SLCO2A1: variants seen among roughly 807,000 people sequenced by gnomAD.
SLCO2A1 encodes solute carrier organic anion transporter family member 2A1, also known as matrin F/G 1.
SLCO2A1 carries 60 observed loss-of-function variants against 71.7 expected under a neutral mutation model. The observed-to-expected ratio is 0.84, with a 90% CI of 0.68 to 1.04. SLCO2A1 has a LOEUF of 1.04. SLCO2A1 is among the 50% of genes least tolerant of loss of function. SLCO2A1 has a pLI of 0.00. For missense variants in SLCO2A1, 745 were observed against 813.4 expected, an observed-to-expected ratio of 0.92 and a Z score of 1.02; for synonymous variants, 308 against 326.7, an observed-to-expected ratio of 0.94 and a Z score of 0.62.
chr3:133,971,873 C>T (rs1262126203), intron 3 of SLCO2A1, among the ~76,000 whole-genome samples: 1 of 152,154 alleles, frequency 6.6e-6, no homozygotes, highest in Non-Finnish European at 1.5e-5. Context: ...CAATGACGGT[C>T]CTGGGTGCTG....
chr3:134,029,718 C>G lies in SLCO2A1; in HGVS notation c.85G>C (p.Gly29Arg), dbSNP rs766149748. 1.4e-5 allele frequency: 22 copies of G among 1,588,912 alleles called. No homozygotes were observed. Among genetic ancestry groups the G allele is most frequent in the African/African-American group, 2.7e-5 (2 of 73,140 alleles). The change falls in exon 1 of 14, where the codon GGC becomes CGC. Residue 29 changes from glycine to arginine, a missense_variant. Coordinates refer to ENST00000310926, the MANE Select transcript of SLCO2A1 (RefSeq NM_005630.3). Reference protein sequence around the residue: ...RAGRCARSVFGNIKVFVLCQG... With the variant: ...RAGRCARSVFRNIKVFVLCQG... ...CGGACTCCGCTCACCTTAATGTTGCCGAAGACCGAGCGGGCACAGCGGCCG... is the reference window on the plus strand; with the variant it reads ...CGGACTCCGCTCACCTTAATGTTGCGGAAGACCGAGCGGGCACAGCGGCCG...
At chr3:133,943,455 C>A (rs572828492) in intron 10 of SLCO2A1, among the ~76,000 whole-genome samples, 1 of 152,330 alleles carries the variant, frequency 6.6e-6, no homozygotes, top group South Asian at 2.1e-4. Flanking sequence ...AATATTGGAA[C>A]TAAGGGACTA....
intron 11 of SLCO2A1, 134 bp from the exon 12 acceptor site, chr3:133,938,627 C>A: frequency 1.3e-6 from 1 of 758,638 alleles, no homozygotes; most frequent in Admixed American, 2.0e-5. Context: ...TGACCGGGTT[C>A]ACCTGGGCTG....
chr3:133,999,995 AAAAACAAAAC>A (rs1395393884), intron 1 of SLCO2A1, among the ~76,000 whole-genome samples: 1 of 152,344 alleles, frequency 6.6e-6, no homozygotes, highest in East Asian at 1.9e-4. Flanking sequence ...GGGACAAGGC[AAAAACAAAAC>A]AAAACAAAAC....
chr3:134,029,291 C>A (rs1242051813), intron 1 of SLCO2A1, among the ~76,000 whole-genome samples: 1 of 152,198 alleles, frequency 6.6e-6, no homozygotes, highest in East Asian at 1.9e-4. Flanking sequence ...CCCCCTGGCA[C>A]CTCCAAGCCC....
Position 134,019,500 on chromosome 3 carries a change from T to C in SLCO2A1, c.96+10207A>G, listed in dbSNP as rs1427268770. 4.6e-5 allele frequency among the ~76,000 whole-genome samples: 7 copies of C among 152,332 alleles called. No homozygotes were observed. The East Asian group carries it at 1.2e-3, about 25-fold the overall frequency. On this transcript the variant is annotated intron_variant, in intron 1 of 13. Coordinates refer to ENST00000310926, the MANE Select transcript of SLCO2A1 (RefSeq NM_005630.3). ...AATGTTTGAATGTGAACAAATCCTA[T>C]TTGTTGAAGCAAGAATTGATCTCAG...
At chr3:134,008,175 C>T (rs1364097415) in intron 1 of SLCO2A1, among the ~76,000 whole-genome samples, 1 of 152,200 alleles carries the variant, frequency 6.6e-6, no homozygotes, top group Non-Finnish European at 1.5e-5. Flanking sequence ...ACCCCAGATG[C>T]ATTAAATATA....
At chr3:134,019,834 C>A (rs1440041538) in intron 1 of SLCO2A1, among the ~76,000 whole-genome samples, 1 of 152,148 alleles carries the variant, frequency 6.6e-6, no homozygotes, top group Admixed American at 6.5e-5. Flanking sequence ...GGAACCTAGA[C>A]AAATGACAGA....
In SLCO2A1 at chr3:133,955,097, T is replaced by C. The variant is rs368778194; in HGVS notation, c.494A>G (p.Glu165Gly). Residue 165 changes from glutamate (E) to glycine (G), a missense_variant, in exon 4 of 14, where the codon GAG becomes GGG. Transcript: ENST00000310926. Reference protein sequence around the residue: ...CHSTTQNPQKETSSMWGLMVV... With the variant: ...CHSTTQNPQKGTSSMWGLMVV... ...CATCAGGCCCCACATGCTGCTGGTC[T>C]CCTTCTGGGGGTTCTGGGTGGTGCT... 1 of 1,614,132 alleles carries C rather than the reference T, an allele frequency of 6.2e-7. No homozygotes were observed. The highest frequency in any genetic ancestry group is 8.5e-7 in the Non-Finnish European group (1 of 1,180,016).
intron 1 of SLCO2A1, among the ~76,000 whole-genome samples, chr3:134,016,431 G>C (rs1158904043): frequency 6.6e-6 from 1 of 152,058 alleles, no homozygotes; most frequent in Admixed American, 6.5e-5. Context: ...CACATGAAAA[G>C]ATGTTCAATA....
intron 1 of SLCO2A1, among the ~76,000 whole-genome samples, chr3:134,001,511 C>T (rs934534383): frequency 6.6e-6 from 1 of 152,182 alleles, no homozygotes; most frequent in African/African-American, 2.4e-5. Context: ...TGTGACCTCA[C>T]CTCTTTGACT....
At chr3:133,984,505 C>G (rs566751355) in intron 1 of SLCO2A1, among the ~76,000 whole-genome samples, 46 of 152,122 alleles carry the variant, frequency 3.0e-4, no homozygotes, top group Non-Finnish European at 5.3e-4. Context: ...GGAAGGAAGT[C>G]GATGGATGGT....
intron 2 of SLCO2A1, 144 bp from the exon 3 acceptor site, chr3:133,973,969 T>C (rs1184353393): frequency 4.6e-6 from 4 of 867,014 alleles, no homozygotes; most frequent in South Asian, 3.7e-5. Flanking sequence ...AGAGTTACAG[T>C]GTCAGCTTTT....
rs200481166 is a variant in SLCO2A1, at chr3:133,934,721, G to A, written c.1924C>T (p.Leu642Phe). ...KEYNVQKAAG[L>F]I ...AGTGGCCCAGGGTGGGGTCAGATGA[G>A]GCCTGCCGCCTTCTGCACGTTGTAC... The change falls in exon 14 of 14, where the codon CTC (leucine) becomes TTC (phenylalanine). Residue 642 changes from leucine (L) to phenylalanine (F), a missense_variant. By Grantham distance (22) the Leu-to-Phe change is conservative. Coordinates refer to ENST00000310926, the MANE Select transcript of SLCO2A1 (RefSeq NM_005630.3). 1 of 1,613,222 alleles carries A rather than the reference G, an allele frequency of 6.2e-7. No individual in the cohort carries two copies. The highest frequency in any genetic ancestry group is 2.2e-5 in the East Asian group (1 of 44,878).
At chr3:133,988,960 G>A (rs925789200) in intron 1 of SLCO2A1, among the ~76,000 whole-genome samples, 2 of 152,166 alleles carry the variant, frequency 1.3e-5, no homozygotes, top group Admixed American at 1.3e-4. Flanking sequence ...TAAAGCTAAA[G>A]CAAAAGGGAA....
At chr3:133,938,397 A>G (rs1430180728) in intron 12 of SLCO2A1, 32 bp downstream of exon 12, 3 of 1,604,872 alleles carry the variant, frequency 1.9e-6, no homozygotes, top group Middle Eastern at 1.7e-4. Context: ...GCCTGGGGCC[A>G]CTTCTTGGGA....
intron 1 of SLCO2A1, among the ~76,000 whole-genome samples, chr3:133,989,497 A>G (rs1164216045): frequency 6.6e-6 from 1 of 152,230 alleles, no homozygotes; most frequent in Non-Finnish European, 1.5e-5. Context: ...AACACTGGAC[A>G]GGCATCCAGT....
At chr3:133,954,153 CTTTTTTTT>C (rs60871049) in intron 4 of SLCO2A1, among the ~76,000 whole-genome samples, 7,056 of 60,872 alleles carry the variant, frequency 0.12, 781 homozygotes, top group African/African-American at 0.31. Flanking sequence ...GTGGTGTGTT[CTTTTTTTT>C]TTTTTTTTTT....
At chr3:133,979,214 G>A (rs996950354) in intron 2 of SLCO2A1, among the ~76,000 whole-genome samples, 1 of 152,238 alleles carries the variant, frequency 6.6e-6, no homozygotes, top group Non-Finnish European at 1.5e-5. Context: ...CATGAACATA[G>A]TACCTGCTGG....
Sources: allele counts gnomAD v4.1 joint callset (sites outside exome capture counted in the v4.1 genomes callset), GRCh38; gene constraint gnomAD v4.1.1; transcripts MANE v1.5; gene names NCBI Gene and HGNC (gene_info 2026-07-23, HGNC 2026-07-21).